The following NRXN3 variants were observed in gnomAD, a reference collection of about 807,000 sequenced individuals.
The protein encoded by NRXN3 is neurexin 3.
NRXN3 carries 32 observed loss-of-function variants against 137.6 expected under a neutral mutation model. The ratio of observed to expected loss-of-function variants is 0.23; its 90% CI spans 0.18 to 0.31. The LOEUF (loss-of-function observed/expected upper bound fraction) is 0.31. Among genes scored for constraint, NRXN3 ranks in the 10% least tolerant of loss-of-function variants. NRXN3 has a pLI of 1.00. For missense variants in NRXN3, 1,574 were observed against 2,062.5 expected (o/e 0.76, Z 4.59); for synonymous variants, 798 against 784.5 (o/e 1.02, Z -0.29).
intron 15 of NRXN3, among the ~76,000 whole-genome samples, chr14:79,099,107 C>T (rs962739897): frequency 2.0e-5 from 3 of 152,164 alleles, no homozygotes; most frequent in African/African-American, 7.2e-5. Flanking sequence ...GGAAAATTCA[C>T]TTAACAGGTA....
chr14:78,591,073 C>T (rs2097111780), intron 4 of NRXN3, among the ~76,000 whole-genome samples: 1 of 152,098 alleles, frequency 6.6e-6, no homozygotes, highest in South Asian at 2.1e-4. Context: ...TTATCCCATG[C>T]CTTGGTGTTA....
At chr14:79,765,108 T>C (rs2099051744) in intron 19 of NRXN3, among the ~76,000 whole-genome samples, 1 of 152,232 alleles carries the variant, frequency 6.6e-6, no homozygotes, top group Admixed American at 6.5e-5. Context: ...TAATTCTTTT[T>C]AGTGTTTCCA....
intron 15 of NRXN3, among the ~76,000 whole-genome samples, chr14:79,222,719 C>A (rs2070013657): frequency 7.1e-6 from 1 of 140,884 alleles, no homozygotes; most frequent in Admixed American, 7.3e-5. Flanking sequence ...ATGGACCATA[C>A]TAATTGATGT....
intron 15 of NRXN3, among the ~76,000 whole-genome samples, chr14:79,185,488 T>C (rs2063421016): frequency 7.0e-6 from 1 of 141,856 alleles, no homozygotes; most frequent in African/African-American, 2.6e-5. Flanking sequence ...TTTTTTTAGA[T>C]GGAGTCTTGC....
intron 15 of NRXN3, among the ~76,000 whole-genome samples, chr14:79,242,590 A>G (rs1176077410): frequency 1.3e-5 from 2 of 152,158 alleles, no homozygotes; most frequent in African/African-American, 4.8e-5. Flanking sequence ...GAGAGTATTT[A>G]TCATGCCCTC....
At chr14:79,700,655 T>C (rs980934150) in intron 19 of NRXN3, among the ~76,000 whole-genome samples, 9 of 152,074 alleles carry the variant, frequency 5.9e-5, no homozygotes, top group African/African-American at 2.2e-4. Flanking sequence ...AAAGGAAAAC[T>C]GTAAGGTGCT....
At chr14:79,302,948 A>ACTTCC (rs1211991697) in intron 15 of NRXN3, among the ~76,000 whole-genome samples, 3 of 151,918 alleles carry the variant, frequency 2.0e-5, no homozygotes, top group African/African-American at 7.2e-5. Flanking sequence ...GGATCCAAAC[A>ACTTCC]CTTCCCTCCA....
intron 15 of NRXN3, among the ~76,000 whole-genome samples, chr14:79,438,674 A>G (rs1197073592): frequency 1.3e-5 from 2 of 152,222 alleles, no homozygotes; most frequent in African/African-American, 4.8e-5. Context: ...CTCAAAAGCT[A>G]TTTTAAACAA....
chr14:78,376,292 G>A (rs897167835), intron 4 of NRXN3, among the ~76,000 whole-genome samples: 3 of 152,128 alleles, frequency 2.0e-5, no homozygotes, highest in African/African-American at 7.2e-5. Context: ...CATCTAAAGA[G>A]GTCAGCTTCT....
At chr14:78,869,599 T>A (rs2099096428) in intron 10 of NRXN3, among the ~76,000 whole-genome samples, 3 of 152,296 alleles carry the variant, frequency 2.0e-5, no homozygotes, top group Admixed American at 6.5e-5. Flanking sequence ...ATTTCATGCC[T>A]CCATACCTTT....
intron 4 of NRXN3, among the ~76,000 whole-genome samples, chr14:78,382,482 G>A (rs2089296638): frequency 1.3e-5 from 2 of 152,158 alleles, no homozygotes; most frequent in Non-Finnish European, 2.9e-5. Context: ...GTTTTCTTAA[G>A]CAGTGCTATT....
chr14:78,219,475 C>T lies in NRXN3; in HGVS notation c.-703-22916C>T, dbSNP rs1057154453. Among the ~76,000 whole-genome samples, 7 of 149,260 alleles carry T rather than the reference C, an allele frequency of 4.7e-5. No individual in the cohort carries two copies. The South Asian group carries it at 1.5e-3, about 31-fold the overall frequency. On this transcript the variant is annotated intron_variant, in intron 1 of 20. Coordinates refer to ENST00000335750, the MANE Select transcript of NRXN3 (RefSeq NM_001330195.2). ...ATCTCAAAGGCCGACCAATAAAGGA[C>T]TCAGTGGAAAGCACCCTGATCCAAG...
At chr14:78,530,080 A>G (rs780337638) in intron 4 of NRXN3, among the ~76,000 whole-genome samples, 3 of 152,216 alleles carry the variant, frequency 2.0e-5, no homozygotes, top group Non-Finnish European at 4.4e-5. Flanking sequence ...AAAGCCCCAC[A>G]TTTCATAGCA....
rs527317737 is a variant in NRXN3 at position 79,134,445 on chromosome 14, G to T, written c.3262+146304G>T. The stretch of plus-strand genomic sequence containing the variant: ...TTCTTCAGGCAGCAATTTAATTTCA[G>T]TTAAAAGAAAGAACAAAGGCATGTC... On this transcript the variant is annotated intron_variant, in intron 15 of 20. Coordinates refer to ENST00000335750, the MANE Select transcript of NRXN3 (RefSeq NM_001330195.2). Among the ~76,000 whole-genome samples the T allele has an allele frequency of 9.2e-5, 14 of 152,342 alleles. No homozygotes were observed. The East Asian group carries it at 1.5e-3, about 17-fold the overall frequency.
intron 16 of NRXN3, among the ~76,000 whole-genome samples, chr14:79,592,069 T>C (rs1191317204): frequency 6.6e-6 from 1 of 152,202 alleles, no homozygotes; most frequent in Non-Finnish European, 1.5e-5. Context: ...CTGTAAAAGT[T>C]ACCTCATGCC....
chr14:79,297,006 C>T (rs1276235394), intron 15 of NRXN3, among the ~76,000 whole-genome samples: 2 of 152,178 alleles, frequency 1.3e-5, no homozygotes, highest in East Asian at 1.9e-4. Flanking sequence ...CATTCATATT[C>T]ACCACTACAG....
chr14:78,472,933 A>G (rs1405958096), intron 4 of NRXN3, among the ~76,000 whole-genome samples: 1 of 90,690 alleles, frequency 1.1e-5, no homozygotes, highest in Non-Finnish European at 2.5e-5. Context: ...TTTTTTTTTC[A>G]TTTTTCCCTG....
chr14:79,505,473 A>G (rs529189166), intron 16 of NRXN3, among the ~76,000 whole-genome samples: 1 of 152,286 alleles, frequency 6.6e-6, no homozygotes, highest in East Asian at 1.9e-4. Context: ...GAAGGATTTT[A>G]TGGACTAAGA....
intron 15 of NRXN3, among the ~76,000 whole-genome samples, chr14:79,058,944 A>G (rs1161251806): frequency 6.6e-6 from 1 of 152,208 alleles, no homozygotes; most frequent in Admixed American, 6.5e-5. Context: ...TTCCCCAGCC[A>G]TGTGGATCTG....
Sources: allele counts gnomAD v4.1 joint callset (sites outside exome capture counted in the v4.1 genomes callset), GRCh38; gene constraint gnomAD v4.1.1; transcripts MANE v1.5; gene names NCBI Gene and HGNC (gene_info 2026-07-23, HGNC 2026-07-21).